ALOX12: variants seen among roughly 807,000 people sequenced by gnomAD.
ALOX12 encodes the protein arachidonate 12-lipoxygenase, 12S type, also known as polyunsaturated fatty acid lipoxygenase ALOX12.
In ALOX12, 62 loss-of-function variants were observed where a neutral mutation model predicts 85.5. That is an observed-to-expected ratio of 0.73 (90% confidence interval 0.59 to 0.90). ALOX12 has a LOEUF of 0.90. ALOX12 is among the 40% of genes least tolerant of loss of function. The probability of loss-of-function intolerance (pLI) is 0.00; values close to 1 mark genes in which losing one functional copy is unlikely to be tolerated. For synonymous variants in ALOX12, 299 were observed against 332.7 expected (o/e 0.90, Z 1.10); for missense variants, 751 against 856.5 (o/e 0.88, Z 1.54).
At chr17:6,997,252 T>A in intron 2 of ALOX12, 2 of 593,350 alleles carry the variant, frequency 3.4e-6, no homozygotes, top group Non-Finnish European at 4.2e-6. Flanking sequence ...AGGCAGGGAG[T>A]AAGTGATCTG....
chr17:6,996,770 A>C, intron 1 of ALOX12, 56 bp from the exon 2 acceptor site: 1 of 1,551,336 alleles, frequency 6.4e-7, no homozygotes, highest in Non-Finnish European at 8.8e-7. Context: ...TCTGTCCTCG[A>C]AACGGCCTCA....
Position 7,000,480 on chromosome 17 carries a change from G to A in ALOX12, c.951+1G>A, listed in dbSNP as rs766712013. The A allele has an allele frequency of 1.7e-5, 28 of 1,613,414 alleles. 1 individual carries two copies. In the South Asian group the frequency reaches 2.6e-4, roughly 15 times the overall value. ...GAAGCTGCAGCCCATGGTCATCCAG[G>A]TAAGGGCCCCAGACCTCTCCCACAA... On this transcript the variant is annotated splice_donor_variant, in intron 7 of 13. Coordinates refer to ENST00000251535, the MANE Select transcript of ALOX12 (RefSeq NM_000697.3). LOFTEE classifies it high-confidence loss of function. This position sits in a 1 kb window ranked among gnomAD's most constrained non-coding sequence, Gnocchi z 4.6.
intron 1 of ALOX12, 59 bp downstream of exon 1, chr17:6,996,311 C>T: frequency 8.2e-7 from 1 of 1,213,250 alleles, no homozygotes; most frequent in South Asian, 4.2e-5. Flanking sequence ...AGGCCCGGGC[C>T]GAGCTGGGCT....
chr17:7,005,116 G>A, intron 8 of ALOX12, 141 bp from the exon 9 acceptor site: 1 of 786,934 alleles, frequency 1.3e-6, no homozygotes, highest in Non-Finnish European at 2.2e-6. Flanking sequence ...GAGCACAAGA[G>A]TGAGTGATCA....
In ALOX12 at chr17:7,005,298, C is replaced by G; in HGVS notation, c.1203C>G (p.Thr401=). 1 of 1,613,872 alleles carries G rather than the reference C, an allele frequency of 6.2e-7. No homozygotes were observed. The highest frequency in any genetic ancestry group is 8.5e-7 in the Non-Finnish European group (1 of 1,179,838). The part of the protein sequence containing the change: ...PHIRYTMEIN[T]RARTQLISDG... Reference sequence around the variant, plus strand: ...TCCGCTACACCATGGAAATCAACACCCGGGCCCGGACCCAACTCATCTCAG... The same window carrying G: ...TCCGCTACACCATGGAAATCAACACGCGGGCCCGGACCCAACTCATCTCAG... Residue 401 remains threonine, a synonymous_variant, in exon 9 of 14, where the codon ACC becomes ACG. Transcript: ENST00000251535.
In ALOX12 at chr17:7,010,656, C is replaced by A; in HGVS notation, c.*233C>A. 1 of 440,904 alleles carries A rather than the reference C, an allele frequency of 2.3e-6. No individual in the cohort carries two copies. Among genetic ancestry groups the A allele is most frequent in the Non-Finnish European group, 4.0e-6 (1 of 252,802 alleles). The allele number at this position is 440,904 out of a possible 1,614,324, so 27.3% of individuals were successfully genotyped here. A position where few individuals can be genotyped will look rare whatever the true frequency, so the allele number is the denominator to read the frequency against. On this transcript the variant is annotated 3_prime_UTR_variant, in exon 14 of 14. Transcript: ENST00000251535. ...TAGTCACTGTCTCAACTACTCAGCT[C>A]TCCTGCTGCAGCATGAAGGCAGCCA...
Position 7,010,690 on chromosome 17 carries a change from A to C in ALOX12, c.*267A>C. The stretch of plus-strand genomic sequence containing the variant: ...CAGCATGAAGGCAGCCACAGACAAC[A>C]TGGAAATGAGTGTGACTATGTTCCA... On this transcript the variant is annotated 3_prime_UTR_variant, in exon 14 of 14. Transcript: ENST00000251535. 3 of 367,006 alleles carry C rather than the reference A, an allele frequency of 8.2e-6. No individual in the cohort carries two copies. The highest frequency in any genetic ancestry group is 8.7e-5 in the East Asian group (2 of 22,894). 22.7% of individuals were successfully genotyped at this position (367,006 alleles called of 1,614,324 possible). A position where few individuals can be genotyped will look rare whatever the true frequency, so the allele number is the denominator to read the frequency against.
Position 7,006,561 on chromosome 17 carries a change from G to C in ALOX12, c.1494G>C (p.Trp498Cys), listed in dbSNP as rs199517856. The change falls in exon 11 of 14, where the codon TGG becomes TGC. Residue 498 changes from tryptophan (W) to cysteine (C), a missense_variant. By Grantham distance (215) the Trp-to-Cys change is radical. Coordinates refer to ENST00000251535, the MANE Select transcript of ALOX12 (RefSeq NM_000697.3). ...AGGGGGACCCTGAGCTGCAGGCCTG[G>C]TGTCGGGAGATCACGGAGGTGGGGC... ...IVKGDPELQA[W>C]CREITEVGLC... The C allele has an allele frequency of 1.9e-6, 3 of 1,613,332 alleles. No individual in the cohort carries two copies. Among genetic ancestry groups the C allele is most frequent in the Non-Finnish European group, 2.5e-6 (3 of 1,179,592 alleles).
At chr17:7,005,777 C>A in intron 9 of ALOX12, 81 bp from the exon 10 acceptor site, 1 of 1,493,872 alleles carries the variant, frequency 6.7e-7, no homozygotes, top group South Asian at 1.2e-5. Context: ...CTGAAAATCC[C>A]ACATTTGCCC....
At position 7,001,593 on chromosome 17, in the gene ALOX12, T is replaced by G. The variant is rs1358319021; in HGVS notation, c.952-9T>G. ...GGAATGGGAGTTCAATAATTTCTCT[T>G]TCTCCCAGATTCAGCCTCCCAACCC... is the stretch of plus-strand genomic sequence containing the variant. On this transcript the variant is annotated splice_polypyrimidine_tract_variant and intron_variant, in intron 7 of 13. Coordinates refer to ENST00000251535, the MANE Select transcript of ALOX12 (RefSeq NM_000697.3). 1 of 1,606,850 alleles carries G rather than the reference T, an allele frequency of 6.2e-7. No homozygotes were observed. The highest frequency in any genetic ancestry group is 1.3e-5 in the African/African-American group (1 of 74,820).
Position 7,010,477 on chromosome 17 carries a change from T to C in ALOX12, c.*54T>C. 8 of 1,565,948 alleles carry C rather than the reference T, an allele frequency of 5.1e-6. No individual in the cohort carries two copies. The highest frequency in any genetic ancestry group is 6.9e-6 in the Non-Finnish European group (8 of 1,155,232). ...TCACATCAGCTTTAGGACTGACATT[T>C]CTATCTTGAATTTCATGCTTTCCTA... is the stretch of plus-strand genomic sequence containing the variant. On this transcript the variant is annotated 3_prime_UTR_variant, in exon 14 of 14. Coordinates refer to ENST00000251535, the MANE Select transcript of ALOX12 (RefSeq NM_000697.3).
rs567491974 is a variant in ALOX12 at position 7,008,745 on chromosome 17, C to CA, written c.1541-988dup. On this transcript the variant is annotated intron_variant, in intron 11 of 13. Coordinates refer to ENST00000251535, the MANE Select transcript of ALOX12 (RefSeq NM_000697.3). Reference sequence around the variant, plus strand: ...TGGGCAACAGAGCAAGACTCCGTCTCAAAAAAAAAAAAAAGATTATCGGGT... The same window carrying CA: ...TGGGCAACAGAGCAAGACTCCGTCTCAAAAAAAAAAAAAAAGATTATCGGGT... Among the ~76,000 whole-genome samples, 771 of 131,430 alleles carry CA rather than the reference C, an allele frequency of 5.9e-3. 3 individuals carry two copies. The highest frequency in any genetic ancestry group is 0.017 in the African/African-American group (596 of 35,478). The allele number at this position is 131,430 out of a possible 152,430, so 86.2% of individuals were successfully genotyped here. A position where few individuals can be genotyped will look rare whatever the true frequency, so the allele number is the denominator to read the frequency against.
Position 6,998,796 on chromosome 17 carries a change from TGAG to T in ALOX12, c.505_507del (p.Glu169del), listed in dbSNP as rs1567717271. The T allele has an allele frequency of 6.2e-7, 1 of 1,613,976 alleles. No individual in the cohort carries two copies. The highest frequency in any genetic ancestry group is 1.1e-5 in the South Asian group (1 of 91,074). On this transcript the variant is annotated inframe_deletion, in exon 4 of 14. Transcript: ENST00000251535. ...ATCTACCTCCAAATATGAGATTCCA[TGAG>T]GAGAAGAGGCTGGACTTTGAATGGA...
intron 11 of ALOX12, 84 bp downstream of exon 11, chr17:7,006,691 C>T (rs1909102805): frequency 6.7e-7 from 1 of 1,490,728 alleles, no homozygotes; most frequent in Middle Eastern, 1.8e-4. Context: ...GGGGACAGGA[C>T]CCCAGCCTCT....
intron 12 of ALOX12, 51 bp downstream of exon 12, chr17:7,009,898 G>A (rs192582490): frequency 1.2e-6 from 2 of 1,613,988 alleles, no homozygotes; most frequent in East Asian, 4.5e-5. Flanking sequence ...ACCTGAGGGA[G>A]AGATGGGAGT....
intron 3 of ALOX12, 52 bp from the exon 4 acceptor site, chr17:6,998,657 CCCCTGG>C (rs909684947): frequency 6.3e-7 from 1 of 1,589,974 alleles, no homozygotes; most frequent in Non-Finnish European, 8.6e-7. Context: ...CCTGCCCCTG[CCCCTGG>C]CCCCATCACT....
intron 8 of ALOX12, 25 bp downstream of exon 8, chr17:7,001,836 A>G (rs1188472776): frequency 1.3e-6 from 2 of 1,597,192 alleles, no homozygotes; most frequent in African/African-American, 1.3e-5. Flanking sequence ...ATTAAATCAC[A>G]TATCCCTCAG....
At chr17:7,003,007 T>C (rs906315604) in intron 8 of ALOX12, among the ~76,000 whole-genome samples, 2 of 152,004 alleles carry the variant, frequency 1.3e-5, no homozygotes, top group African/African-American at 2.4e-5. Context: ...GCCTCTGGAA[T>C]TTTCCCCTTC....
At position 6,999,369 on chromosome 17, in the gene ALOX12, A is replaced by C; in HGVS notation, c.710A>C (p.Asn237Thr). ...LFSYQFLNGA[N>T]PMLLRRSTSL... ...AGCTACCAGTTCCTCAATGGTGCCA[A>C]CCCCATGCTGTTGAGACGCTCGACC... Residue 237 changes from asparagine to threonine, a missense_variant, in exon 6 of 14, where the codon AAC becomes ACC. Coordinates refer to ENST00000251535, the MANE Select transcript of ALOX12 (RefSeq NM_000697.3). 6.2e-7 allele frequency: 1 copy of C among 1,614,166 alleles called. No homozygotes were observed. Among genetic ancestry groups the C allele is most frequent in the South Asian group, 1.1e-5 (1 of 91,084 alleles).
Sources: gnomAD v4.1 joint callset for allele counts (sites outside exome capture counted in the v4.1 genomes callset) on GRCh38, gnomAD v4.1.1 for gene constraint, Gnocchi (gnomAD v3.1) non-coding constraint, MANE v1.5 for transcripts, NCBI Gene and HGNC (gene_info 2026-07-23, HGNC 2026-07-21) for gene names.